The following BBS7 variants were observed in gnomAD, a reference collection of about 807,000 sequenced individuals.
BBS7 encodes the protein Bardet-Biedl syndrome 7.
A neutral mutation model predicts 90.3 loss-of-function variants in BBS7; 50 were observed. The observed-to-expected ratio is 0.55, with a 90% CI of 0.44 to 0.70. The LOEUF (loss-of-function observed/expected upper bound fraction) is 0.70. Ranked by LOEUF, BBS7 falls within the 30% of genes least tolerant of loss-of-function variation. The pLI is 0.00. For missense variants in BBS7, 729 were observed against 838.9 expected, an observed-to-expected ratio of 0.87 and a Z score of 1.62; for synonymous variants, 235 against 287.4, an observed-to-expected ratio of 0.82 and a Z score of 1.85.
intron 12 of BBS7, among the ~76,000 whole-genome samples, chr4:121,841,256 G>C (rs1428873368): frequency 6.6e-6 from 1 of 151,874 alleles, no homozygotes; most frequent in Non-Finnish European, 1.5e-5. Flanking sequence ...AGGGTGAAGA[G>C]CATGAAAAAA....
chr4:121,838,906 A>C (rs1260110387), intron 13 of BBS7, among the ~76,000 whole-genome samples: 1 of 149,662 alleles, frequency 6.7e-6, no homozygotes, highest in Non-Finnish European at 1.5e-5. Flanking sequence ...TCCATCTCAA[A>C]AAAAAAAAAA....
chr4:121,858,015 A>C (rs930917483), intron 5 of BBS7, among the ~76,000 whole-genome samples: 1 of 152,104 alleles, frequency 6.6e-6, no homozygotes, highest in Non-Finnish European at 1.5e-5. Flanking sequence ...CATGTTGGCC[A>C]GGCTGGTCTC....
chr4:121,825,640 T>C lies in BBS7; in HGVS notation c.*220A>G. 1 of 436,880 alleles carries C rather than the reference T, an allele frequency of 2.3e-6. No individual in the cohort carries two copies. The highest frequency in any genetic ancestry group is 4.0e-6 in the Non-Finnish European group (1 of 251,724). The allele number at this position is 436,880 out of a possible 1,614,324, so 27.1% of individuals were successfully genotyped here. A position where few individuals can be genotyped will look rare whatever the true frequency, so the allele number is the denominator to read the frequency against. Reference sequence around the variant, plus strand: ...TTCATTAAAATCCTATTTAAATCATTCTACTTGTGTTTTAAAAATAAAAAG... The same window carrying C: ...TTCATTAAAATCCTATTTAAATCATCCTACTTGTGTTTTAAAAATAAAAAG... On this transcript the variant is annotated 3_prime_UTR_variant, in exon 19 of 19. Transcript: ENST00000264499.
At chr4:121,870,138 C>T in intron 1 of BBS7, 140 bp downstream of exon 1, 1 of 1,010,974 alleles carries the variant, frequency 9.9e-7, no homozygotes, top group South Asian at 1.3e-5. Flanking sequence ...AGGCGGGGTG[C>T]TGAGAGGTCG....
intron 14 of BBS7, among the ~76,000 whole-genome samples, chr4:121,834,139 T>C (rs1725331736): frequency 6.6e-6 from 1 of 152,098 alleles, no homozygotes; most frequent in South Asian, 2.1e-4. Flanking sequence ...ATCAGATGGA[T>C]AATTATAAAG....
rs1724813539 is a variant in BBS7 at position 121,824,445 on chromosome 4, T to C, written c.*1415A>G. 6.6e-6 allele frequency: 1 copy of C among 152,362 alleles called. No individual in the cohort carries two copies. Among genetic ancestry groups the C allele is most frequent in the African/African-American group, 2.4e-5 (1 of 41,586 alleles). The allele number at this position is 152,362 out of a possible 1,614,324, so 9.4% of individuals were successfully genotyped here. ...CAAGTGTCAAGACTGTAATGTCATC[T>C]TAACATTTAGGCGTTTATTCATAGT... On this transcript the variant is annotated 3_prime_UTR_variant, in exon 19 of 19. Transcript: ENST00000264499. This position sits in a 1 kb window ranked among gnomAD's most constrained non-coding sequence, Gnocchi z 4.1.
intron 8 of BBS7, among the ~76,000 whole-genome samples, chr4:121,850,768 G>C (rs1201282937): frequency 6.6e-6 from 1 of 152,116 alleles, no homozygotes; most frequent in Non-Finnish European, 1.5e-5. Flanking sequence ...GGAAGGAAGG[G>C]ACACTAGCAT....
chr4:121,858,905 T>C (rs1726828091), intron 5 of BBS7, 87 bp downstream of exon 5: 2 of 1,285,390 alleles, frequency 1.6e-6, no homozygotes, highest in Non-Finnish European at 2.2e-6. Context: ...CTTAAAACAG[T>C]AACCACTAAT....
At chr4:121,828,107 A>G (rs1471641060) in intron 18 of BBS7, 39 bp downstream of exon 18, 1 of 1,610,246 alleles carries the variant, frequency 6.2e-7, no homozygotes, top group South Asian at 1.1e-5. Flanking sequence ...AGCCAGTTGA[A>G]AAGAAATATG....
chr4:121,864,819 T>G (rs1298046207), intron 2 of BBS7, among the ~76,000 whole-genome samples: 4 of 152,196 alleles, frequency 2.6e-5, no homozygotes, highest in Non-Finnish European at 5.9e-5. Flanking sequence ...CATAGCAATG[T>G]TTCAATACAT....
chr4:121,842,439 A>G (rs1481688400), intron 12 of BBS7, among the ~76,000 whole-genome samples: 1 of 151,518 alleles, frequency 6.6e-6, no homozygotes, highest in Non-Finnish European at 1.5e-5. Context: ...GTTTGAGACC[A>G]GCCTGGGCAA....
intron 3 of BBS7, 67 bp downstream of exon 3, chr4:121,863,150 T>C: frequency 1.4e-6 from 2 of 1,470,498 alleles, no homozygotes; most frequent in Non-Finnish European, 1.9e-6. Flanking sequence ...TTTAACCTAG[T>C]ATTATTCAAT....
At chr4:121,843,805 A>G in intron 12 of BBS7, 122 bp downstream of exon 12, 1 of 718,838 alleles carries the variant, frequency 1.4e-6, no homozygotes, top group Non-Finnish European at 2.4e-6. Flanking sequence ...ATTTTGAAGG[A>G]AAGGTTACAT....
rs1725011647 is a variant in BBS7 at position 121,828,445 on chromosome 4, T to C, written c.1847A>G (p.Gln616Arg). 1.2e-6 allele frequency: 2 copies of C among 1,613,846 alleles called. No homozygotes were observed. The highest frequency in any genetic ancestry group is 1.7e-5 in the Admixed American group (1 of 60,010). Reference sequence around the variant, plus strand: ...CTGCACTTTCTTAGCCAAAAGCAACTGGTACTCCAGCTTTGGGTGGATTAG... The same window carrying C: ...CTGCACTTTCTTAGCCAAAAGCAACCGGTACTCCAGCTTTGGGTGGATTAG... Reference protein sequence around the residue: ...LKLIHPKLEYQLLLAKKVQLI... With the variant: ...LKLIHPKLEYRLLLAKKVQLI... Residue 616 changes from glutamine to arginine, a missense_variant, in exon 17 of 19, where the codon CAG becomes CGG. Gln to Arg is a conservative substitution (Grantham distance 43). Transcript: ENST00000264499.
intron 15 of BBS7, among the ~76,000 whole-genome samples, chr4:121,829,557 C>T (rs1424038017): frequency 6.6e-6 from 1 of 152,174 alleles, no homozygotes; most frequent in Non-Finnish European, 1.5e-5. Context: ...CACGCCCGGC[C>T]AGGATCGTTA....
At chr4:121,835,354 A>G (rs1052144043) in intron 13 of BBS7, 71 bp from the exon 14 acceptor site, 19 of 1,561,954 alleles carry the variant, frequency 1.2e-5, no homozygotes, top group Admixed American at 5.2e-5. Context: ...AATGTTCAAC[A>G]TAAGTTATCA....
At position 121,828,435 on chromosome 4, in the gene BBS7, C is replaced by T. The variant is rs762992473; in HGVS notation, c.1857G>A (p.Leu619=). The change falls in exon 17 of 19, where the codon TTG becomes TTA. Residue 619 remains leucine (L), a synonymous_variant. Coordinates refer to ENST00000264499, the MANE Select transcript of BBS7 (RefSeq NM_176824.3). ...CATCAATTAACTGCACTTTCTTAGCCAAAAGCAACTGGTACTCCAGCTTTG... is the reference window on the plus strand; with the variant it reads ...CATCAATTAACTGCACTTTCTTAGCTAAAAGCAACTGGTACTCCAGCTTTG... The part of the protein sequence containing the change: ...IHPKLEYQLL[L]AKKVQLIDAL... The T allele has an allele frequency of 1.2e-6, 2 of 1,613,910 alleles. No individual in the cohort carries two copies. Among genetic ancestry groups the T allele is most frequent in the South Asian group, 1.1e-5 (1 of 91,062 alleles).
chr4:121,831,462 T>C, intron 15 of BBS7, among the ~76,000 whole-genome samples: 1 of 141,902 alleles, frequency 7.0e-6, no homozygotes, highest in Non-Finnish European at 1.5e-5. Flanking sequence ...GAGACTCTCT[T>C]AAAAAAAAAA....
At chr4:121,865,244 T>C (rs1727196987) in intron 2 of BBS7, among the ~76,000 whole-genome samples, 1 of 147,628 alleles carries the variant, frequency 6.8e-6, no homozygotes, top group East Asian at 1.9e-4. Flanking sequence ...TCTCTCTCTT[T>C]TTTTTTTTTT....
Sources: gnomAD v4.1 joint callset for allele counts (sites outside exome capture counted in the v4.1 genomes callset) on GRCh38, gnomAD v4.1.1 for gene constraint, Gnocchi (gnomAD v3.1) non-coding constraint, MANE v1.5 for transcripts, NCBI Gene and HGNC (gene_info 2026-07-23, HGNC 2026-07-21) for gene names.